The following CA12 variants were observed in gnomAD, a reference collection of about 807,000 sequenced individuals.
CA12 encodes the protein carbonate dehydratase XII.
CA12 carries 36 observed loss-of-function variants against 46.8 expected under a neutral mutation model. That is an observed-to-expected ratio of 0.77 (90% CI 0.59 to 1.02). The LOEUF (loss-of-function observed/expected upper bound fraction) is 1.02, where lower values mean the gene tolerates loss of function less well. Among genes scored for constraint, CA12 ranks in the 50% least tolerant of loss-of-function variants. CA12 has a pLI of 0.00. For missense variants in CA12, 436 were observed against 451.4 expected (o/e 0.97, Z 0.31); for synonymous variants, 202 against 187.0 (o/e 1.08, Z -0.65).
chr15:63,377,186 C>A (rs768456701), intron 1 of CA12, among the ~76,000 whole-genome samples: 1 of 152,156 alleles, frequency 6.6e-6, no homozygotes, highest in African/African-American at 2.4e-5. Context: ...GAGGAAGGGA[C>A]CCTGAGTAGA....
At chr15:63,363,924 A>C (rs2152623986) in intron 2 of CA12, among the ~76,000 whole-genome samples, 1 of 152,316 alleles carries the variant, frequency 6.6e-6, no homozygotes, top group East Asian at 1.9e-4. Context: ...GCGGTGGCTC[A>C]CGCCTGTAAT....
At chr15:63,381,087 C>A (rs374563832) in intron 1 of CA12, among the ~76,000 whole-genome samples, 8 of 151,908 alleles carry the variant, frequency 5.3e-5, no homozygotes, top group African/African-American at 1.9e-4. Context: ...TGCACACACA[C>A]GTACATTCAG....
chr15:63,363,795 G>C (rs984618761), intron 2 of CA12, among the ~76,000 whole-genome samples: 19 of 152,166 alleles, frequency 1.2e-4, no homozygotes, highest in Admixed American at 7.9e-4. Context: ...TTTTCTGACA[G>C]GGCATCTGTG....
Position 63,340,638 on chromosome 15 carries a change from G to A in CA12, c.589+82C>T. ...TGAACACAGACAGCACCTGCCCCTT[G>A]TGTTTGCTTTTCTTAAAGTCACACA... On this transcript the variant is annotated intron_variant, in intron 6 of 10. Transcript: ENST00000178638. The surrounding 1 kb of genome is among the most constrained non-coding windows in gnomAD (Gnocchi z 4.4). 3 of 1,478,382 alleles carry A rather than the reference G, an allele frequency of 2.0e-6. No homozygotes were observed. The highest frequency in any genetic ancestry group is 2.8e-6 in the Non-Finnish European group (3 of 1,056,742). The allele number at this position is 1,478,382 out of a possible 1,614,324, so 91.6% of individuals were successfully genotyped here. A position where few individuals can be genotyped will look rare whatever the true frequency, so the allele number is the denominator to read the frequency against.
At chr15:63,359,431 C>A (rs1038655069) in intron 2 of CA12, among the ~76,000 whole-genome samples, 2 of 152,082 alleles carry the variant, frequency 1.3e-5, no homozygotes, top group African/African-American at 2.4e-5. Flanking sequence ...CCTAGAATCA[C>A]CAGTTGTTAA....
chr15:63,340,733 A>G lies in CA12; in HGVS notation c.576T>C (p.His192=), dbSNP rs2039067793. 3.1e-6 allele frequency: 5 copies of G among 1,614,050 alleles called. No individual in the cohort carries two copies. The highest frequency in any genetic ancestry group is 1.1e-5 in the South Asian group (1 of 91,090). ...SYDKIFSHLQ[H]VKYKGQEAFV... ...AGGACCCCTCACCTTTGTACTTTACATGTTGAAGGTGACTGAAGATCTTGT... is the reference window on the plus strand; with the variant it reads ...AGGACCCCTCACCTTTGTACTTTACGTGTTGAAGGTGACTGAAGATCTTGT... The change falls in exon 6 of 11, where the codon CAT becomes CAC. Residue 192 remains histidine (H), a synonymous_variant. Coordinates refer to ENST00000178638, the MANE Select transcript of CA12 (RefSeq NM_001218.5). The surrounding 1 kb of genome is among the most constrained non-coding windows in gnomAD (Gnocchi z 4.4).
chr15:63,376,682 T>C (rs2039582644), intron 1 of CA12, among the ~76,000 whole-genome samples: 1 of 151,682 alleles, frequency 6.6e-6, no homozygotes, highest in Admixed American at 6.6e-5. Flanking sequence ...AGGGTCTCAC[T>C]CTGTCACTGG....
At position 63,321,955 on chromosome 15, in the gene CA12, T is replaced by G. The variant is rs1263897009; in HGVS notation, c.*4330A>C. On this transcript the variant is annotated 3_prime_UTR_variant, in exon 11 of 11. Coordinates refer to ENST00000178638, the MANE Select transcript of CA12 (RefSeq NM_001218.5). This position sits in a 1 kb window ranked among gnomAD's most constrained non-coding sequence, Gnocchi z 4.5. ...CCTCCCTGGCTTCACCCACAAGGCT[T>G]TCTTCTCGGGCTGATTTCTGTGGGA... 6.6e-6 allele frequency: 1 copy of G among 152,314 alleles called. No homozygotes were observed. The highest frequency in any genetic ancestry group is 1.5e-5 in the Non-Finnish European group (1 of 68,076). 9.4% of individuals were successfully genotyped at this position (152,314 alleles called of 1,614,324 possible). A position where few individuals can be genotyped will look rare whatever the true frequency, so the allele number is the denominator to read the frequency against.
chr15:63,350,416 C>A (rs1272276056), intron 2 of CA12, among the ~76,000 whole-genome samples: 1 of 152,216 alleles, frequency 6.6e-6, no homozygotes. Flanking sequence ...AGTGACTCTC[C>A]TAAAAGAAGC....
At chr15:63,376,172 C>T (rs1276054864) in intron 1 of CA12, among the ~76,000 whole-genome samples, 3 of 152,220 alleles carry the variant, frequency 2.0e-5, no homozygotes, top group African/African-American at 7.2e-5. Flanking sequence ...GTGCTCCAGT[C>T]AGCAGCACAG....
rs574746001 is a variant in CA12, at chr15:63,339,063, G to C, written c.748-118C>G. ...GAAGCCTCTGGAACCAGCTTCTGTG[G>C]GGCCGGGTGGGAGATATTAGAAAGC... On this transcript the variant is annotated intron_variant, in intron 7 of 10. Coordinates refer to ENST00000178638, the MANE Select transcript of CA12 (RefSeq NM_001218.5). This position sits in a 1 kb window ranked among gnomAD's most constrained non-coding sequence, Gnocchi z 4.3. 8.0e-7 allele frequency: 1 copy of C among 1,257,148 alleles called. No individual in the cohort carries two copies. Among genetic ancestry groups the C allele is most frequent in the East Asian group, 2.5e-5 (1 of 39,924 alleles). 77.9% of individuals were successfully genotyped at this position (1,257,148 alleles called of 1,614,324 possible). A position where few individuals can be genotyped will look rare whatever the true frequency, so the allele number is the denominator to read the frequency against.
rs373416886 is a variant in CA12, at chr15:63,380,313, G to C, written c.85+1323C>G. On this transcript the variant is annotated intron_variant, in intron 1 of 10. Coordinates refer to ENST00000178638, the MANE Select transcript of CA12 (RefSeq NM_001218.5). Reference sequence around the variant, plus strand: ...AGGGAAAGTAGGGAAGAAAGGAAGGGGAGGGAGGGAAGAGAACAGGGAAGG... The same window carrying C: ...AGGGAAAGTAGGGAAGAAAGGAAGGCGAGGGAGGGAAGAGAACAGGGAAGG... Among the ~76,000 whole-genome samples the C allele has an allele frequency of 2.4e-4, 36 of 152,188 alleles. No homozygotes were observed. In the East Asian group the frequency reaches 6.4e-3, roughly 27 times the overall value.
chr15:63,366,138 C>CAAAAAA (rs10680238), intron 2 of CA12, among the ~76,000 whole-genome samples: 3 of 116,884 alleles, frequency 2.6e-5, no homozygotes, highest in South Asian at 2.9e-4. Flanking sequence ...GAGACTATCT[C>CAAAAAA]AAAAAAAAAA....
At chr15:63,371,518 G>C (rs2039506818) in intron 2 of CA12, among the ~76,000 whole-genome samples, 2 of 152,356 alleles carry the variant, frequency 1.3e-5, no homozygotes, top group African/African-American at 4.8e-5. Context: ...TTCTTTCCAA[G>C]GTTTCCTGAA....
chr15:63,363,956 G>A lies in CA12; in HGVS notation c.106+11702C>T, dbSNP rs2039399858. On this transcript the variant is annotated intron_variant, in intron 2 of 10. Transcript: ENST00000178638. ...TAATCCTGGCACTTTGGGAGGCCGA[G>A]GAGGGCGGATCACCTGAGGTCGGGA... 2.0e-5 allele frequency among the ~76,000 whole-genome samples: 3 copies of A among 152,288 alleles called. No individual in the cohort carries two copies. In the South Asian group the frequency reaches 6.2e-4, roughly 32 times the overall value.
intron 8 of CA12, among the ~76,000 whole-genome samples, chr15:63,333,898 G>C (rs1469484507): frequency 6.6e-6 from 1 of 152,138 alleles, no homozygotes; most frequent in Non-Finnish European, 1.5e-5. Context: ...GCTTCCTTTT[G>C]TCCCTCAAGT....
At chr15:63,363,646 G>T (rs2039395538) in intron 2 of CA12, among the ~76,000 whole-genome samples, 1 of 152,216 alleles carries the variant, frequency 6.6e-6, no homozygotes, top group Admixed American at 6.5e-5. Flanking sequence ...GTGATAATTT[G>T]ACAAGTGATA....
chr15:63,335,790 C>T (rs1055623148), intron 8 of CA12, among the ~76,000 whole-genome samples: 1 of 152,154 alleles, frequency 6.6e-6, no homozygotes, highest in Non-Finnish European at 1.5e-5. Flanking sequence ...TCAAGGTTCA[C>T]ACTGACAAAG....
chr15:63,353,575 G>T (rs2039260333), intron 2 of CA12, among the ~76,000 whole-genome samples: 1 of 152,116 alleles, frequency 6.6e-6, no homozygotes, highest in Non-Finnish European at 1.5e-5. Flanking sequence ...CTCTCTGGGG[G>T]TCATCCAACA....
Sources: allele counts gnomAD v4.1 joint callset (sites outside exome capture counted in the v4.1 genomes callset), GRCh38; gene constraint gnomAD v4.1.1; non-coding constraint Gnocchi (gnomAD v3.1); transcripts MANE v1.5; gene names NCBI Gene and HGNC (gene_info 2026-07-23, HGNC 2026-07-21).